Variants in NUCB1 observed in about 807,000 individuals in gnomAD.
NUCB1 encodes the protein nucleobindin 1.
A neutral mutation model predicts 61.2 loss-of-function variants in NUCB1; 47 were observed. That is an observed-to-expected ratio of 0.77 (90% CI 0.61 to 0.98). The LOEUF (loss-of-function observed/expected upper bound fraction) is 0.98. Ranked by LOEUF, NUCB1 falls within the 50% of genes least tolerant of loss-of-function variation. NUCB1 has a pLI of 0.00. For missense variants in NUCB1, 583 were observed against 605.3 expected (o/e 0.96, Z 0.39); for synonymous variants, 234 against 243.1 (o/e 0.96, Z 0.35).
At chr19:48,903,706 A>G (rs1423793154) in intron 2 of NUCB1, among the ~76,000 whole-genome samples, 3 of 90,628 alleles carry the variant, frequency 3.3e-5, no homozygotes, top group African/African-American at 4.5e-5. Context: ...GGATGGATGG[A>G]TGGGTGGGTG....
Position 48,913,532 on chromosome 19 carries a change from G to A in NUCB1, c.725G>A (p.Arg242Lys), listed in dbSNP as rs2037503727. The stretch of plus-strand genomic sequence containing the variant: ...GAGCTGGATGGACTGGACCCCAACA[G>A]GTTTAACCCCAAGACCTTCTTCATA... ...WEELDGLDPNRFNPKTFFILH... is the reference protein window; with the variant it reads ...WEELDGLDPNKFNPKTFFILH... The change falls in exon 7 of 13, where the codon AGG (arginine) becomes AAG (lysine). Residue 242 changes from arginine to lysine, a missense_variant. Coordinates refer to ENST00000405315, the MANE Select transcript of NUCB1 (RefSeq NM_006184.6). The A allele has an allele frequency of 6.2e-7, 1 of 1,614,194 alleles. No individual in the cohort carries two copies. The highest frequency in any genetic ancestry group is 8.5e-7 in the Non-Finnish European group (1 of 1,180,026).
intron 7 of NUCB1, 144 bp from the exon 8 acceptor site, chr19:48,918,581 TG>T: frequency 2.9e-6 from 2 of 699,284 alleles, no homozygotes; most frequent in Non-Finnish European, 5.2e-6. Context: ...TACTAAAGCC[TG>T]GGGGCCACCG....
chr19:48,911,181 C>T lies in NUCB1; in HGVS notation c.409C>T (p.Gln137Ter), dbSNP rs1395968874. Residue 137 changes from glutamine (Q) to a stop codon, truncating the protein, a stop_gained, in exon 5 of 13, where the codon CAG becomes TAG. Coordinates refer to ENST00000405315, the MANE Select transcript of NUCB1 (RefSeq NM_006184.6). LOFTEE classifies it high-confidence loss of function. ...GGTGGATCATCTGAATCTCCTGAAA[C>T]AGTTTGAACACCTGGACCCTCAGAA... ...VQVDHLNLLK[Q>*]FEHLDPQNQH... 1.2e-6 allele frequency: 2 copies of T among 1,613,754 alleles called. No individual in the cohort carries two copies. The highest frequency in any genetic ancestry group is 1.1e-5 in the South Asian group (1 of 91,074).
At position 48,906,353 on chromosome 19, in the gene NUCB1, G is replaced by A. The variant is rs995163184; in HGVS notation, c.376+468G>A. ...CGGGAGGCGGAGGTTGTAGTGAGCC[G>A]AGATCGCACCATTGCACTCCAGCCT... On this transcript the variant is annotated intron_variant, in intron 4 of 12. Coordinates refer to ENST00000405315, the MANE Select transcript of NUCB1 (RefSeq NM_006184.6). Among the ~76,000 whole-genome samples, 7 of 149,476 alleles carry A rather than the reference G, an allele frequency of 4.7e-5. No individual in the cohort carries two copies. In the South Asian group the frequency reaches 8.4e-4, roughly 18 times the overall value.
intron 7 of NUCB1, among the ~76,000 whole-genome samples, chr19:48,917,776 G>T (rs1000970929): frequency 7.9e-5 from 12 of 151,320 alleles, no homozygotes; most frequent in Non-Finnish European, 1.3e-4. Context: ...GATTACAGGC[G>T]TGAGCCACCG....
At chr19:48,916,130 A>G (rs554386603) in intron 7 of NUCB1, among the ~76,000 whole-genome samples, 17 of 151,602 alleles carry the variant, frequency 1.1e-4, no homozygotes, top group African/African-American at 4.1e-4. Flanking sequence ...GATTTTGACT[A>G]TTTTAGGTAC....
intron 2 of NUCB1, among the ~76,000 whole-genome samples, chr19:48,902,420 C>CTTTTTTTTTTTT (rs58758940): frequency 2.3e-5 from 3 of 130,000 alleles, no homozygotes. Context: ...TTTCCTTTTT[C>CTTTTTTTTTTTT]TTTTTTTTTT....
intron 2 of NUCB1, among the ~76,000 whole-genome samples, chr19:48,904,118 A>G (rs1361982098): frequency 6.6e-6 from 1 of 152,056 alleles, no homozygotes; most frequent in East Asian, 1.9e-4. Flanking sequence ...TAAAAGTATG[A>G]TTCACAGCTT....
chr19:48,912,144 C>G (rs2037481289), intron 5 of NUCB1, among the ~76,000 whole-genome samples: 2 of 151,706 alleles, frequency 1.3e-5, no homozygotes, highest in African/African-American at 2.4e-5. Context: ...CCCACCTGAC[C>G]CTCCTGAGTA....
At chr19:48,905,302 T>A (rs2037399341) in intron 3 of NUCB1, among the ~76,000 whole-genome samples, 1 of 152,148 alleles carries the variant, frequency 6.6e-6, no homozygotes, top group Non-Finnish European at 1.5e-5. Flanking sequence ...ATCAGGCCTC[T>A]AGGAGCACCA....
intron 4 of NUCB1, among the ~76,000 whole-genome samples, chr19:48,908,721 G>GTGTGT: frequency 9.1e-6 from 1 of 109,368 alleles, no homozygotes; most frequent in Admixed American, 9.9e-5. Flanking sequence ...TTGACCAAGG[G>GTGTGT]GTGTGTGTGT....
chr19:48,903,392 AGTTGGATGGATGGGCG>A (rs1384207070), intron 2 of NUCB1, among the ~76,000 whole-genome samples: 3 of 91,436 alleles, frequency 3.3e-5, no homozygotes, highest in African/African-American at 2.0e-4. Flanking sequence ...ATGGATGGGC[AGTTGGATGGATGGGCG>A]GGTGGATGGA....
rs116552981 is a variant in NUCB1 at position 48,906,196 on chromosome 19, G to A, written c.376+311G>A. Among the ~76,000 whole-genome samples, 699 of 152,178 alleles carry A rather than the reference G, an allele frequency of 4.6e-3. 6 individuals are homozygous for A. The highest frequency in any genetic ancestry group is 0.015 in the African/African-American group (630 of 41,532). ...TGAGGCAAGCAGGTCACCTGAGGTC[G>A]GGAATTGGAGACTATCTGGCCAACA... On this transcript the variant is annotated intron_variant, in intron 4 of 12. Coordinates refer to ENST00000405315, the MANE Select transcript of NUCB1 (RefSeq NM_006184.6).
rs770936278 is a variant in NUCB1, at chr19:48,918,727, T to A, written c.759T>A (p.Asp253Glu). ...FNPKTFFILHDINSDGVLDEQ... is the reference protein window; with the variant it reads ...FNPKTFFILHEINSDGVLDEQ... The stretch of plus-strand genomic sequence containing the variant: ...ACCTTGCTATCCTCTTCCCTTCAGA[T>A]ATCAACAGTGATGGTGTCCTGGATG... The change falls in exon 8 of 13, where the codon GAT becomes GAA. Residue 253 changes from aspartate (D) to glutamate (E), a missense_variant and splice_region_variant. Asp to Glu is a conservative substitution (Grantham distance 45). Transcript: ENST00000405315. 4 of 1,613,366 alleles carry A rather than the reference T, an allele frequency of 2.5e-6. No individual in the cohort carries two copies. The highest frequency in any genetic ancestry group is 3.4e-6 in the Non-Finnish European group (4 of 1,179,270).
intron 3 of NUCB1, among the ~76,000 whole-genome samples, chr19:48,905,524 TAA>T (rs1237892301): frequency 2.0e-5 from 3 of 152,036 alleles, no homozygotes; most frequent in Non-Finnish European, 4.4e-5. Flanking sequence ...ACCTGGCCCC[TAA>T]ACATGTGGCT....
Position 48,921,371 on chromosome 19 carries a change from C to A in NUCB1, c.1173+47C>A, listed in dbSNP as rs560664099. The stretch of plus-strand genomic sequence containing the variant: ...TCCATCCACTGAATCTCTGGCTGCC[C>A]GTGTCCGTGTCCCCATGGGTGTCCA... On this transcript the variant is annotated intron_variant, in intron 11 of 12. Transcript: ENST00000405315. The A allele has an allele frequency of 1.9e-6, 3 of 1,543,250 alleles. No homozygotes were observed. The Admixed American group carries it at 5.9e-5, about 30-fold the overall frequency.
intron 2 of NUCB1, among the ~76,000 whole-genome samples, chr19:48,902,448 G>C (rs1478435618): frequency 7.4e-5 from 8 of 107,714 alleles, no homozygotes; most frequent in South Asian, 2.8e-4. Context: ...TATTTTTGCT[G>C]TGTCACCCAA....
In NUCB1 at chr19:48,918,914, C is replaced by CA. The variant is rs34975127; in HGVS notation, c.817-111dup. 19 of 1,325,028 alleles carry CA rather than the reference C, an allele frequency of 1.4e-5. No homozygotes were observed. The South Asian group carries it at 2.3e-4, about 16-fold the overall frequency. 82.1% of individuals were successfully genotyped at this position (1,325,028 alleles called of 1,614,324 possible). On this transcript the variant is annotated intron_variant, in intron 8 of 12. Coordinates refer to ENST00000405315, the MANE Select transcript of NUCB1 (RefSeq NM_006184.6). ...CTACAACTCCCATCAGCCCCTGGGG[C>CA]AAAAACGGCTCCCAGGAGTGGTAGC...
intron 7 of NUCB1, among the ~76,000 whole-genome samples, chr19:48,917,360 G>T (rs574761083): frequency 2.0e-3 from 303 of 151,808 alleles, no homozygotes; most frequent in African/African-American, 6.8e-3. Context: ...GCTTCCCTTT[G>T]TCACCCAGGC....
Sources: allele counts gnomAD v4.1 joint callset (sites outside exome capture counted in the v4.1 genomes callset), GRCh38; gene constraint gnomAD v4.1.1; transcripts MANE v1.5; gene names NCBI Gene and HGNC (gene_info 2026-07-23, HGNC 2026-07-21).